The following ELN variants were observed in gnomAD, a reference collection of about 807,000 sequenced individuals.
The protein encoded by ELN is elastin.
ELN carries 65 observed loss-of-function variants against 105.8 expected under a neutral mutation model. The ratio of observed to expected loss-of-function variants is 0.61; its 90% confidence interval spans 0.50 to 0.75. The LOEUF (loss-of-function observed/expected upper bound fraction) is 0.75, where lower values mean the gene tolerates loss of function less well. Ranked by LOEUF, ELN falls within the 30% of genes least tolerant of loss-of-function variation. The pLI is 0.00. For synonymous variants in ELN, 368 were observed against 389.2 expected, an observed-to-expected ratio of 0.95 and a Z score of 0.64; for missense variants, 882 against 969.4, an observed-to-expected ratio of 0.91 and a Z score of 1.20.
chr7:74,051,212 G>A (rs893783037), intron 15 of ELN, among the ~76,000 whole-genome samples: 2 of 152,174 alleles, frequency 1.3e-5, no homozygotes, highest in African/African-American at 2.4e-5. Flanking sequence ...CCACCAGCCC[G>A]AGAGAGCGAG....
chr7:74,048,134 T>C lies in ELN; in HGVS notation c.686-8T>C. 6.2e-7 allele frequency: 1 copy of C among 1,613,942 alleles called. No homozygotes were observed. The highest frequency in any genetic ancestry group is 8.5e-7 in the Non-Finnish European group (1 of 1,179,936). ...CACAGATGACCATCAAGCCTCTCTG[T>C]TTTGCAGGCTATGGGCCCGGAGGAG... On this transcript the variant is annotated splice_polypyrimidine_tract_variant and splice_region_variant and intron_variant, in intron 13 of 32. Transcript: ENST00000252034.
intron 15 of ELN, among the ~76,000 whole-genome samples, chr7:74,050,274 T>C (rs1398654265): frequency 7.6e-6 from 1 of 132,210 alleles, no homozygotes; most frequent in African/African-American, 2.9e-5. Flanking sequence ...TTCTTCCCTC[T>C]ATCCATCCAC....
At position 74,063,334 on chromosome 7, in the gene ELN, C is replaced by G. The variant is rs1554686394; in HGVS notation, c.1883C>G (p.Ala628Gly). 2 of 1,551,038 alleles carry G rather than the reference C, an allele frequency of 1.3e-6. No homozygotes were observed. Among genetic ancestry groups the G allele is most frequent in the Admixed American group, 3.9e-5 (2 of 51,042 alleles). Residue 628 changes from alanine (A) to glycine (G), a missense_variant, in exon 28 of 33, where the codon GCC becomes GGC. By Grantham distance (60) the Ala-to-Gly change is moderately conservative. Coordinates refer to ENST00000252034, the MANE Select transcript of ELN (RefSeq NM_000501.4). This position sits in a 1 kb window ranked among gnomAD's most constrained non-coding sequence, Gnocchi z 4.1. ...VVGAGPAAAA[A>G]AAKAAAKAAQ... is the part of the protein sequence containing the mutation. ...GGAGCCGGACCCGCCGCCGCCGCTG[C>G]CGCAGCCAAAGCTGCTGCCAAAGCC...
intron 3 of ELN, 55 bp downstream of exon 3, chr7:74,036,639 G>A: frequency 6.2e-7 from 1 of 1,613,094 alleles, no homozygotes; most frequent in Non-Finnish European, 8.5e-7. Context: ...TTTCACCCGA[G>A]CCACATGCAT....
intron 21 of ELN, 32 bp from the exon 22 acceptor site, chr7:74,057,608 T>C (rs1795575547): frequency 6.2e-7 from 1 of 1,611,514 alleles, no homozygotes; most frequent in East Asian, 2.2e-5. Flanking sequence ...TGTGAGAGAT[T>C]ACTCTCTCAC....
At chr7:74,054,270 C>A (rs1554678190) in intron 18 of ELN, among the ~76,000 whole-genome samples, 1 of 151,962 alleles carries the variant, frequency 6.6e-6, no homozygotes, top group South Asian at 2.1e-4. Flanking sequence ...GAGTTCGAGA[C>A]CAGCCTGGCC....
At position 74,067,364 on chromosome 7, in the gene ELN, T is replaced by G. The variant is rs548252608; in HGVS notation, c.2131+588T>G. 4.6e-5 allele frequency among the ~76,000 whole-genome samples: 7 copies of G among 151,730 alleles called. No individual in the cohort carries two copies. In the East Asian group the frequency reaches 1.4e-3, roughly 30 times the overall value. On this transcript the variant is annotated intron_variant, in intron 32 of 32. Coordinates refer to ENST00000252034, the MANE Select transcript of ELN (RefSeq NM_000501.4). ...CTCACTGCAACCTCTGCCTCCTAGG[T>G]TCAAGCGATTCTTCTGCCTCAGCCT...
At chr7:74,053,421 T>C (rs1554677644) in intron 18 of ELN, 112 bp downstream of exon 18, 1 of 1,536,856 alleles carries the variant, frequency 6.5e-7, no homozygotes, top group African/African-American at 1.4e-5. Flanking sequence ...ACCATAACCA[T>C]CTGCCCATAC....
rs1006072843 is a variant in ELN at position 74,063,499 on chromosome 7, G to A, written c.1919-122G>A. The A allele has an allele frequency of 5.6e-6, 9 of 1,607,978 alleles. No homozygotes were observed. The highest frequency in any genetic ancestry group is 7.6e-6 in the Non-Finnish European group (9 of 1,177,540). ...CACCTCCTGGCTCCACTGTGCCATC[G>A]AAGGCCAGGGGAGACCTCAGGCTCC... is the stretch of plus-strand genomic sequence containing the variant. On this transcript the variant is annotated intron_variant, in intron 28 of 32. Transcript: ENST00000252034. This position sits in a 1 kb window ranked among gnomAD's most constrained non-coding sequence, Gnocchi z 4.1.
intron 4 of ELN, among the ~76,000 whole-genome samples, chr7:74,040,693 G>A (rs56273822): frequency 0.014 from 2,070 of 152,262 alleles, 46 homozygotes; most frequent in African/African-American, 0.046. Flanking sequence ...CAGATGTGGG[G>A]AGGAGAGAGC....
At chr7:74,065,489 CTG>C (rs1412498464) in intron 29 of ELN, among the ~76,000 whole-genome samples, 5 of 151,868 alleles carry the variant, frequency 3.3e-5, no homozygotes, top group Non-Finnish European at 7.4e-5. Context: ...TGGTGGGTGC[CTG>C]TAATCCCAGC....
chr7:74,060,906 C>G (rs1360593502), intron 25 of ELN, among the ~76,000 whole-genome samples, 195 bp from the exon 26 acceptor site: 1 of 152,194 alleles, frequency 6.6e-6, no homozygotes, highest in Non-Finnish European at 1.5e-5. Context: ...CATGCTAGGC[C>G]TGGGGAGAGA....
intron 22 of ELN, among the ~76,000 whole-genome samples, chr7:74,058,224 CTTCTTCTTCCTCTTTTTCTCCTTCT>C (rs1554681601): frequency 2.7e-5 from 4 of 147,712 alleles, no homozygotes; most frequent in Non-Finnish European, 5.9e-5. Flanking sequence ...CTTCTTTCTT[CTTCTTCTTCCTCTTTTTCTCCTTCT>C]TTCTTCTTCT....
Position 74,063,502 on chromosome 7 carries a change from G to C in ELN, c.1919-119G>C, listed in dbSNP as rs1797186865. 6.2e-7 allele frequency: 1 copy of C among 1,609,006 alleles called. No homozygotes were observed. The highest frequency in any genetic ancestry group is 1.1e-5 in the South Asian group (1 of 90,908). The stretch of plus-strand genomic sequence containing the variant: ...CTCCTGGCTCCACTGTGCCATCGAA[G>C]GCCAGGGGAGACCTCAGGCTCCACC... On this transcript the variant is annotated intron_variant, in intron 28 of 32. Transcript: ENST00000252034. This position sits in a 1 kb window ranked among gnomAD's most constrained non-coding sequence, Gnocchi z 4.1.
intron 19 of ELN, 63 bp from the exon 20 acceptor site, chr7:74,056,208 C>T (rs906116259): frequency 3.7e-6 from 6 of 1,608,304 alleles, no homozygotes; most frequent in Non-Finnish European, 5.1e-6. Flanking sequence ...ATCAGCATCC[C>T]TCAGAGCCCG....
intron 4 of ELN, among the ~76,000 whole-genome samples, chr7:74,038,335 C>T (rs1192789228): frequency 1.3e-5 from 2 of 152,246 alleles, no homozygotes; most frequent in African/African-American, 4.8e-5. Context: ...TCCCACAGGA[C>T]CCCCAATCCT....
intron 18 of ELN, 149 bp downstream of exon 18, chr7:74,053,458 T>C (rs1794568574): frequency 4.7e-6 from 7 of 1,479,192 alleles, no homozygotes; most frequent in African/African-American, 1.4e-5. Context: ...TCCCCTCATC[T>C]TCTCTTCCTT....
chr7:74,050,223 T>G (rs1172360220), intron 15 of ELN, among the ~76,000 whole-genome samples: 43 of 132,538 alleles, frequency 3.2e-4, no homozygotes, highest in Non-Finnish European at 2.4e-4. Flanking sequence ...CAATTCTTCC[T>G]TCCATCCATT....
At chr7:74,042,869 A>T (rs1791557332) in intron 6 of ELN, 115 bp from the exon 7 acceptor site, 1 of 1,581,522 alleles carries the variant, frequency 6.3e-7, no homozygotes, top group Admixed American at 1.7e-5. Flanking sequence ...GCCCAGTCTG[A>T]AGGTGAGTTA....
Sources: allele counts gnomAD v4.1 joint callset (sites outside exome capture counted in the v4.1 genomes callset), GRCh38; gene constraint gnomAD v4.1.1; non-coding constraint Gnocchi (gnomAD v3.1); transcripts MANE v1.5; gene names NCBI Gene and HGNC (gene_info 2026-07-23, HGNC 2026-07-21).